The following NALF1 variants were observed in gnomAD, a reference collection of about 807,000 sequenced individuals.
NALF1 encodes family with sequence similarity 155 member A.
A neutral mutation model predicts 48.4 loss-of-function variants in NALF1; 3 were observed. The ratio of observed to expected loss-of-function variants is 0.06; its 90% CI spans 0.03 to 0.16. The LOEUF (loss-of-function observed/expected upper bound fraction) is 0.16. Among genes scored for constraint, NALF1 ranks in the 10% least tolerant of loss-of-function variants. NALF1 has a pLI of 1.00. For missense variants in NALF1, 526 were observed against 571.5 expected (o/e 0.92, Z 0.81); for synonymous variants, 262 against 245.7 (o/e 1.07, Z -0.62).
Position 107,657,358 on chromosome 13 carries a change from C to T in NALF1, c.915+208324G>A, listed in dbSNP as rs540286666. Among the ~76,000 whole-genome samples the T allele has an allele frequency of 2.1e-4, 32 of 152,104 alleles. No homozygotes were observed. In the South Asian group the frequency reaches 6.4e-3, roughly 31 times the overall value. ...ATTTCCCCCTAACCAGGTATGCCATCATCAAATAGCAGCTATTTAGAAAGT... is the reference window on the plus strand; with the variant it reads ...ATTTCCCCCTAACCAGGTATGCCATTATCAAATAGCAGCTATTTAGAAAGT... On this transcript the variant is annotated intron_variant, in intron 1 of 2. Coordinates refer to ENST00000375915, the MANE Select transcript of NALF1 (RefSeq NM_001080396.3).
chr13:107,784,166 T>C (rs751563049), intron 1 of NALF1, among the ~76,000 whole-genome samples: 1 of 152,162 alleles, frequency 6.6e-6, no homozygotes, highest in Non-Finnish European at 1.5e-5. Context: ...TTTAGAAAAG[T>C]AGATTTCCAC....
chr13:107,817,146 G>A (rs1366984314), intron 1 of NALF1, among the ~76,000 whole-genome samples: 1 of 152,170 alleles, frequency 6.6e-6, no homozygotes, highest in Admixed American at 6.5e-5. Context: ...GATGAAAATA[G>A]AAGTAGGTGA....
intron 1 of NALF1, among the ~76,000 whole-genome samples, chr13:107,645,123 T>A (rs1332743568): frequency 6.6e-6 from 1 of 152,152 alleles, no homozygotes; most frequent in Non-Finnish European, 1.5e-5. Context: ...TTTTCATTAA[T>A]GTACCTAGGA....
rs530631042 is a variant in NALF1 at position 107,782,317 on chromosome 13, G to C, written c.915+83365C>G. 1.4e-4 allele frequency among the ~76,000 whole-genome samples: 21 copies of C among 152,318 alleles called. No homozygotes were observed. The South Asian group carries it at 4.4e-3, about 32-fold the overall frequency. On this transcript the variant is annotated intron_variant, in intron 1 of 2. Transcript: ENST00000375915. ...TGATCCGCCAGCCTCGGCCTCCGGA[G>C]GTGCCAGGATTGCAGACGGTGTCTG...
intron 1 of NALF1, among the ~76,000 whole-genome samples, chr13:107,445,276 T>G (rs569068995): frequency 6.6e-6 from 1 of 152,326 alleles, no homozygotes. Context: ...TGACCTAATC[T>G]AGTCTTCAGT....
chr13:107,257,490 CTT>C lies in NALF1; in HGVS notation c.916-46737_916-46736del, dbSNP rs34197611. Among the ~76,000 whole-genome samples the C allele has an allele frequency of 2.1e-3, 309 of 147,012 alleles. 1 individual carries two copies. Among genetic ancestry groups the C allele is most frequent in the Non-Finnish European group, 2.9e-3 (195 of 66,820 alleles). ...TGAGGCTTCAAAATTGTTTCTTCTG[CTT>C]TTTTTTTTTTTCTGCTTTGAATTTG... On this transcript the variant is annotated intron_variant, in intron 1 of 2. Transcript: ENST00000375915.
intron 1 of NALF1, among the ~76,000 whole-genome samples, chr13:107,519,445 C>CA (rs1451527872): frequency 3.3e-5 from 5 of 152,020 alleles, no homozygotes; most frequent in Admixed American, 1.3e-4. Context: ...TAATGGTTTC[C>CA]AAAAAACCTA....
intron 1 of NALF1, among the ~76,000 whole-genome samples, chr13:107,776,928 A>G (rs1309786445): frequency 1.3e-5 from 2 of 152,026 alleles, no homozygotes; most frequent in Admixed American, 1.3e-4. Context: ...CTATCTGTAC[A>G]AAAAATCTAA....
chr13:107,776,862 AG>A (rs1342434832), intron 1 of NALF1, among the ~76,000 whole-genome samples: 1 of 152,230 alleles, frequency 6.6e-6, no homozygotes, highest in Non-Finnish European at 1.5e-5. Context: ...AGGCCCAGGC[AG>A]GAGGATCCCT....
chr13:107,548,295 C>T (rs779716121), intron 1 of NALF1, among the ~76,000 whole-genome samples: 3 of 152,092 alleles, frequency 2.0e-5, no homozygotes, highest in Non-Finnish European at 4.4e-5. Flanking sequence ...CCACAAAAGG[C>T]ATAATCTCAT....
At chr13:107,536,780 G>A (rs985038690) in intron 1 of NALF1, among the ~76,000 whole-genome samples, 11 of 152,086 alleles carry the variant, frequency 7.2e-5, no homozygotes, top group Non-Finnish European at 1.2e-4. Context: ...ACATGCACAC[G>A]TATGTTTACT....
chr13:107,416,243 C>T (rs558759376), intron 1 of NALF1, among the ~76,000 whole-genome samples: 111 of 151,876 alleles, frequency 7.3e-4, no homozygotes, highest in African/African-American at 2.6e-3. Context: ...TCTCGATCTC[C>T]TGACCTCGTG....
intron 1 of NALF1, among the ~76,000 whole-genome samples, chr13:107,228,913 G>A (rs1221982260): frequency 2.6e-5 from 4 of 151,894 alleles, no homozygotes; most frequent in Admixed American, 2.0e-4. Context: ...GAGCCACCAC[G>A]CCCGCCTGGG....
chr13:107,593,282 G>T lies in NALF1; in HGVS notation c.915+272400C>A, dbSNP rs183955677. Among the ~76,000 whole-genome samples, 208 of 151,754 alleles carry T rather than the reference G, an allele frequency of 1.4e-3. 1 individual carries two copies. The Middle Eastern group carries it at 0.027, about 20-fold the overall frequency. The stretch of plus-strand genomic sequence containing the variant: ...GCATATAAGTCAACTTCTAAGACTA[G>T]AATTATTTACCTGATGAAAATGATA... On this transcript the variant is annotated intron_variant, in intron 1 of 2. Coordinates refer to ENST00000375915, the MANE Select transcript of NALF1 (RefSeq NM_001080396.3).
chr13:107,816,755 C>A (rs1197438092), intron 1 of NALF1, among the ~76,000 whole-genome samples: 1 of 151,932 alleles, frequency 6.6e-6, no homozygotes, highest in African/African-American at 2.4e-5. Context: ...TAAAAAAAAA[C>A]CTTAAATTAA....
intron 1 of NALF1, among the ~76,000 whole-genome samples, chr13:107,626,535 G>A (rs1879678293): frequency 6.6e-6 from 1 of 152,126 alleles, no homozygotes; most frequent in Non-Finnish European, 1.5e-5. Context: ...ATCAATGGAT[G>A]AATGGATGAT....
At chr13:107,215,692 C>T (rs185940594) in intron 1 of NALF1, among the ~76,000 whole-genome samples, 1 of 152,220 alleles carries the variant, frequency 6.6e-6, no homozygotes, top group African/African-American at 2.4e-5. Context: ...CTACACGGGA[C>T]CAGGATCACC....
At chr13:107,508,461 T>G (rs1020103931) in intron 1 of NALF1, among the ~76,000 whole-genome samples, 1 of 151,854 alleles carries the variant, frequency 6.6e-6, no homozygotes, top group African/African-American at 2.4e-5. Context: ...AAAAGGAAGT[T>G]TAATAATAAA....
intron 1 of NALF1, among the ~76,000 whole-genome samples, chr13:107,719,554 T>C (rs1432811457): frequency 6.6e-6 from 1 of 152,062 alleles, no homozygotes; most frequent in African/African-American, 2.4e-5. Flanking sequence ...AATCCATACT[T>C]CTACTTGGAC....
Sources: allele counts gnomAD v4.1 joint callset (sites outside exome capture counted in the v4.1 genomes callset), GRCh38; gene constraint gnomAD v4.1.1; transcripts MANE v1.5; gene names NCBI Gene and HGNC (gene_info 2026-07-23, HGNC 2026-07-21).